Variants in ATIC observed in about 807,000 individuals in gnomAD.
ATIC encodes bifunctional purine biosynthesis protein ATIC.
A neutral mutation model predicts 72.5 loss-of-function variants in ATIC; 64 were observed. That is an observed-to-expected ratio of 0.88 (90% confidence interval 0.72 to 1.09). The LOEUF is 1.09. Ranked by LOEUF, ATIC falls within the 50% of genes least tolerant of loss-of-function variation. ATIC has a pLI of 0.00. For missense variants in ATIC, 787 were observed against 732.4 expected (o/e 1.07, Z -0.86); for synonymous variants, 281 against 267.1 (o/e 1.05, Z -0.51).
chr2:215,342,475 A>G (rs866168824), intron 12 of ATIC, among the ~76,000 whole-genome samples: 2 of 152,182 alleles, frequency 1.3e-5, no homozygotes, highest in African/African-American at 4.8e-5. Context: ...CAGTTCCACA[A>G]CCATGCCATT....
chr2:215,334,031 T>C (rs2052926422), intron 9 of ATIC, among the ~76,000 whole-genome samples: 1 of 149,416 alleles, frequency 6.7e-6, no homozygotes, highest in Non-Finnish European at 1.5e-5. Context: ...GACAGAGCGA[T>C]ACTCCGTCTC....
chr2:215,342,998 A>G (rs1434947676), intron 12 of ATIC, among the ~76,000 whole-genome samples: 1 of 152,176 alleles, frequency 6.6e-6, no homozygotes, highest in Non-Finnish European at 1.5e-5. Context: ...ATAAATGCCC[A>G]GGGTTGTTAA....
chr2:215,312,402 G>C lies in ATIC; in HGVS notation c.20-96G>C, dbSNP rs2052663072. 1.9e-6 allele frequency: 3 copies of C among 1,601,600 alleles called. No homozygotes were observed. In the East Asian group the frequency reaches 6.7e-5, roughly 36 times the overall value. On this transcript the variant is annotated intron_variant, in intron 1 of 15. Transcript: ENST00000236959. ...AACGCAGGGTCCAGGTGCTGGCCTT[G>C]CGATTCGAGAATCTCCTCCCCCAGA...
At chr2:215,321,297 G>A (rs2052764219) in intron 4 of ATIC, among the ~76,000 whole-genome samples, 1 of 152,114 alleles carries the variant, frequency 6.6e-6, no homozygotes, top group Non-Finnish European at 1.5e-5. Flanking sequence ...CCATGTTATA[G>A]CATAGTATCA....
chr2:215,333,318 CTTTG>C (rs2052916144), intron 8 of ATIC, 28 bp from the exon 9 acceptor site: 4 of 1,592,966 alleles, frequency 2.5e-6, no homozygotes, highest in Admixed American at 3.3e-5. Flanking sequence ...CTTTAGCTTT[CTTTG>C]TTTATGATTT....
chr2:215,333,265 G>A, intron 8 of ATIC, 85 bp from the exon 9 acceptor site: 1 of 1,096,380 alleles, frequency 9.1e-7, no homozygotes, highest in East Asian at 2.4e-5. Context: ...CGTAGACTGG[G>A]TGTTAAGAAA....
At chr2:215,341,458 C>G (rs925587816) in intron 12 of ATIC, among the ~76,000 whole-genome samples, 2 of 152,144 alleles carry the variant, frequency 1.3e-5, no homozygotes, top group Non-Finnish European at 2.9e-5. Context: ...TGATCTTAAT[C>G]GTTTATCTAA....
downstream of ATIC, among the ~76,000 whole-genome samples, chr2:215,350,496 G>A (rs2053122368): frequency 6.6e-6 from 1 of 152,120 alleles, no homozygotes; most frequent in Admixed American, 6.5e-5. Context: ...CAAACAAACA[G>A]CAGATTGGCA....
At position 215,319,896 on chromosome 2, in the gene ATIC, A is replaced by G. The variant is rs189148901; in HGVS notation, c.290+165A>G. ...TTTGGTTTGGCCAGATTTATATACC[A>G]AAATACATACTGAAGTTTTTTAGGA... On this transcript the variant is annotated intron_variant, in intron 4 of 15. Coordinates refer to ENST00000236959, the MANE Select transcript of ATIC (RefSeq NM_004044.7). 6.7e-3 allele frequency among the ~76,000 whole-genome samples: 1,026 copies of G among 152,334 alleles called. 13 individuals carry two copies. The highest frequency in any genetic ancestry group is 0.023 in the African/African-American group (966 of 41,576).
intron 14 of ATIC, among the ~76,000 whole-genome samples, chr2:215,347,905 T>G (rs530578432): frequency 6.6e-6 from 1 of 152,246 alleles, no homozygotes; most frequent in African/African-American, 2.4e-5. Context: ...CCATAGACAT[T>G]TATTTTTCAT....
rs763201142 is a variant in ATIC, at chr2:215,318,212, T to C, written c.202T>C (p.Leu68=). 4 of 1,614,078 alleles carry C rather than the reference T, an allele frequency of 2.5e-6. No individual in the cohort carries two copies. The highest frequency in any genetic ancestry group is 3.4e-6 in the Non-Finnish European group (4 of 1,179,952). Residue 68 remains leucine (L), a synonymous_variant, in exon 3 of 16, where the codon TTG becomes CTG. Coordinates refer to ENST00000236959, the MANE Select transcript of ATIC (RefSeq NM_004044.7). ...AATGTTGGGGGGACGTGTGAAAACT[T>C]TGCATCCTGCAGTCCATGCTGGTAA... is the stretch of plus-strand genomic sequence containing the variant. ...PEMLGGRVKT[L]HPAVHAGILA...
chr2:215,325,160 C>T, intron 4 of ATIC, 81 bp from the exon 5 acceptor site: 1 of 1,011,114 alleles, frequency 9.9e-7, no homozygotes, highest in Non-Finnish European at 1.6e-6. Flanking sequence ...GTTAATAGTA[C>T]TGACTTGTTT....
the ATIC span, chr2:215,367,819 TGAG>T: frequency 1.1e-5 from 17 of 1,604,246 alleles, no homozygotes; most frequent in African/African-American, 1.3e-5. Context: ...GCATGGAACT[TGAG>T]GAGACAAACA....
At chr2:215,354,155 G>A (rs563354834), downstream of ATIC, among the ~76,000 whole-genome samples, 259 of 151,884 alleles carry the variant, frequency 1.7e-3, 3 homozygotes, top group African/African-American at 6.0e-3. Flanking sequence ...AGCCTCCCGA[G>A]TAGCTGGGGA....
Position 215,312,612 on chromosome 2 carries a change from G to T in ATIC, c.134G>T (p.Gly45Val). ...ACTGCAAAAGCTCTCAGGGATGCTG[G>T]TCTGGCAGTCAGGTAAGGCATAGCT... The part of the protein sequence containing the change: ...GGTAKALRDA[G>V]LAVRDVSELT... Residue 45 changes from glycine (G) to valine (V), a missense_variant, in exon 2 of 16, where the codon GGT becomes GTT. Coordinates refer to ENST00000236959, the MANE Select transcript of ATIC (RefSeq NM_004044.7). 6.2e-7 allele frequency: 1 copy of T among 1,614,202 alleles called. No individual in the cohort carries two copies.
chr2:215,343,669 A>G (rs1237955416), intron 12 of ATIC, among the ~76,000 whole-genome samples: 3 of 152,086 alleles, frequency 2.0e-5, no homozygotes, highest in Non-Finnish European at 2.9e-5. Context: ...TTTATGTTTT[A>G]GGTGCTAGTT....
chr2:215,367,259 T>C, the ATIC span, among the ~76,000 whole-genome samples: 373 of 152,328 alleles, frequency 2.4e-3, 1 homozygote, highest in African/African-American at 8.5e-3. Flanking sequence ...ACTTAAAAAA[T>C]TTGAAAATTA....
chr2:215,346,002 A>G (rs969108880), intron 13 of ATIC, among the ~76,000 whole-genome samples: 1 of 152,138 alleles, frequency 6.6e-6, no homozygotes, highest in African/African-American at 2.4e-5. Context: ...AAGGAAGAAC[A>G]TTTGTACCTG....
At chr2:215,341,013 G>A (rs1177924401) in intron 12 of ATIC, among the ~76,000 whole-genome samples, 4 of 152,200 alleles carry the variant, frequency 2.6e-5, no homozygotes, top group Non-Finnish European at 4.4e-5. Flanking sequence ...AGAAGGAGAT[G>A]AGGGGCTGCA....
Sources: allele counts gnomAD v4.1 joint callset (sites outside exome capture counted in the v4.1 genomes callset), GRCh38; gene constraint gnomAD v4.1.1; transcripts MANE v1.5; gene names NCBI Gene and HGNC (gene_info 2026-07-23, HGNC 2026-07-21).